Variants in RABIF observed in about 807,000 individuals in gnomAD.
RABIF encodes the protein RAB interacting factor.
A neutral mutation model predicts 12.3 loss-of-function variants in RABIF; 13 were observed. The observed-to-expected ratio is 1.06, with a 90% confidence interval of 0.69 to 1.68. The LOEUF is 1.68. RABIF is among the 40% of genes most tolerant of loss of function. The pLI is 0.00. For synonymous variants in RABIF, 70 were observed against 63.3 expected, an observed-to-expected ratio of 1.11 and a Z score of -0.50; for missense variants, 153 against 158.0, an observed-to-expected ratio of 0.97 and a Z score of 0.17.
At chr1:202,884,010 A>G (rs1659525901) in intron 1 of RABIF, among the ~76,000 whole-genome samples, 1 of 152,166 alleles carries the variant, frequency 6.6e-6, no homozygotes, top group South Asian at 2.1e-4. Flanking sequence ...TGGATAGACT[A>G]CTGGGGATGG....
rs548566747 is a variant in RABIF at position 202,883,526 on chromosome 1, T to C, written c.127-2303A>G. Among the ~76,000 whole-genome samples, 53 of 152,358 alleles carry C rather than the reference T, an allele frequency of 3.5e-4. 3 individuals are homozygous for C. In the East Asian group the frequency reaches 9.6e-3, roughly 28 times the overall value. ...CTAAATGTATTTCTGGCTTATCCCC[T>C]ATACTGTAGGTGTGAAATCTCACAT... On this transcript the variant is annotated intron_variant, in intron 1 of 1. Transcript: ENST00000367262.
intron 1 of RABIF, among the ~76,000 whole-genome samples, chr1:202,887,620 C>T (rs1467904797): frequency 3.3e-5 from 5 of 151,938 alleles, no homozygotes; most frequent in African/African-American, 1.2e-4. Flanking sequence ...GCCTCAGCCT[C>T]CCGAGTAGCT....
chr1:202,881,113 A>G lies in RABIF; in HGVS notation c.237T>C (p.Asn79=). 6.2e-7 allele frequency: 1 copy of G among 1,614,210 alleles called. No homozygotes were observed. The highest frequency in any genetic ancestry group is 8.5e-7 in the Non-Finnish European group (1 of 1,180,038). Reference sequence around the variant, plus strand: ...TGCCCACGTCCTTGGTGAAGCCCACATTCTCAAAAATGAACATGTCCTCAA... The same window carrying G: ...TGCCCACGTCCTTGGTGAAGCCCACGTTCTCAAAAATGAACATGTCCTCAA... ...WLVEDMFIFE[N]VGFTKDVGNI... The change falls in exon 2 of 2, where the codon AAT becomes AAC. Residue 79 remains asparagine, a synonymous_variant. Coordinates refer to ENST00000367262, the MANE Select transcript of RABIF (RefSeq NM_002871.5).
At chr1:202,883,194 C>A (rs1659516013) in intron 1 of RABIF, among the ~76,000 whole-genome samples, 1 of 152,066 alleles carries the variant, frequency 6.6e-6, no homozygotes, top group Non-Finnish European at 1.5e-5. Flanking sequence ...CCACGATATA[C>A]TTTTTTGTTT....
At chr1:202,881,314 T>G (rs928512154) in intron 1 of RABIF, 91 bp from the exon 2 acceptor site, 1 of 1,483,862 alleles carries the variant, frequency 6.7e-7, no homozygotes, top group South Asian at 1.4e-5. Context: ...CATTGCTCCC[T>G]AGCAGGAATG....
rs1358135523 is a variant in RABIF at position 202,885,864 on chromosome 1, T to TAA, written c.126+3108_126+3109insTT. On this transcript the variant is annotated intron_variant, in intron 1 of 1. Transcript: ENST00000367262. ...ACACTGGGTTGGATTACAGCTGAGTTGCTTGAGTCCAGAAAAAGGGATAGG... is the reference window on the plus strand; with the variant it reads ...ACACTGGGTTGGATTACAGCTGAGTTAAGCTTGAGTCCAGAAAAAGGGATAGG... Among the ~76,000 whole-genome samples the TAA allele has an allele frequency of 1.1e-4, 17 of 152,226 alleles. No homozygotes were observed. The East Asian group carries it at 2.9e-3, about 26-fold the overall frequency.
At chr1:202,885,996 TA>T (rs1160778447) in intron 1 of RABIF, among the ~76,000 whole-genome samples, 1 of 151,334 alleles carries the variant, frequency 6.6e-6, no homozygotes. Flanking sequence ...TTTGCCTTTT[TA>T]AAAGAGGGAA....
In RABIF at chr1:202,880,771, G is replaced by A; in HGVS notation, c.*207C>T. The A allele has an allele frequency of 7.5e-7, 1 of 1,330,008 alleles. No individual in the cohort carries two copies. 82.4% of individuals were successfully genotyped at this position (1,330,008 alleles called of 1,614,324 possible). On this transcript the variant is annotated 3_prime_UTR_variant, in exon 2 of 2. Transcript: ENST00000367262. ...GGGGAAAAGGGAGCTTAGGAAATGTGATACAAAGTGAACTAAGCAGGAGGC... is the reference window on the plus strand; with the variant it reads ...GGGGAAAAGGGAGCTTAGGAAATGTAATACAAAGTGAACTAAGCAGGAGGC...
At position 202,879,746 on chromosome 1, in the gene RABIF, T is replaced by G. The variant is rs1659460789; in HGVS notation, c.*1232A>C. 6.6e-6 allele frequency: 1 copy of G among 152,172 alleles called. No homozygotes were observed. The highest frequency in any genetic ancestry group is 1.5e-5 in the Non-Finnish European group (1 of 68,028). The allele number at this position is 152,172 out of a possible 1,614,324, so 9.4% of individuals were successfully genotyped here. ...GCAACTAGAAAACAATGGAAGGGACTTCAGATGGTAAGGTTTCTGTTTAGT... is the reference window on the plus strand; with the variant it reads ...GCAACTAGAAAACAATGGAAGGGACGTCAGATGGTAAGGTTTCTGTTTAGT... On this transcript the variant is annotated 3_prime_UTR_variant, in exon 2 of 2. Transcript: ENST00000367262.
chr1:202,888,946 T>C (rs768634319), intron 1 of RABIF, 27 bp downstream of exon 1: 1 of 1,520,586 alleles, frequency 6.6e-7, no homozygotes, highest in South Asian at 1.2e-5. Flanking sequence ...ACTGTGGGTG[T>C]AAACGGCCTC....
chr1:202,888,701 C>T (rs1005156338), intron 1 of RABIF, among the ~76,000 whole-genome samples: 7 of 152,260 alleles, frequency 4.6e-5, no homozygotes, highest in Middle Eastern at 3.4e-3. Flanking sequence ...GCTCGAAGCC[C>T]CCCCGGGGGC....
intron 1 of RABIF, among the ~76,000 whole-genome samples, chr1:202,883,926 A>C (rs1349800115): frequency 4.6e-5 from 7 of 152,178 alleles, no homozygotes; most frequent in Non-Finnish European, 1.0e-4. Context: ...ATCTCAACCT[A>C]TTCACTGCAA....
At position 202,880,721 on chromosome 1, in the gene RABIF, A is replaced by G; in HGVS notation, c.*257T>C. The G allele has an allele frequency of 1.7e-6, 2 of 1,202,836 alleles. No homozygotes were observed. The highest frequency in any genetic ancestry group is 2.1e-6 in the Non-Finnish European group (2 of 963,172). The allele number at this position is 1,202,836 out of a possible 1,614,324, so 74.5% of individuals were successfully genotyped here. A position where few individuals can be genotyped will look rare whatever the true frequency, so the allele number is the denominator to read the frequency against. On this transcript the variant is annotated 3_prime_UTR_variant, in exon 2 of 2. Transcript: ENST00000367262. ...GCCAGGGAAGAGATGAGATTTTTGG[A>G]GGTAAGCACAGTGTCCCAAAACTGG...
rs200640185 is a variant in RABIF at position 202,887,341 on chromosome 1, A to AT, written c.126+1631_126+1632insA. ...GAAACTTTCTTAAAACATTATGAAAAATTTTTTTTTTTGCAATTTTTTTTT... is the reference window on the plus strand; with the variant it reads ...GAAACTTTCTTAAAACATTATGAAAATATTTTTTTTTTTGCAATTTTTTTTT... On this transcript the variant is annotated intron_variant, in intron 1 of 1. Coordinates refer to ENST00000367262, the MANE Select transcript of RABIF (RefSeq NM_002871.5). 6.0e-5 allele frequency among the ~76,000 whole-genome samples: 9 copies of AT among 149,636 alleles called. No individual in the cohort carries two copies. The South Asian group carries it at 8.5e-4, about 14-fold the overall frequency.
chr1:202,884,389 C>A lies in RABIF; in HGVS notation c.127-3166G>T, dbSNP rs558790602. ...TTACTTGTGTTGTTTTCAAAAAATT[C>A]TCTGATAATCCTTCCACCAAGAGTG... On this transcript the variant is annotated intron_variant, in intron 1 of 1. Transcript: ENST00000367262. 1.8e-4 allele frequency among the ~76,000 whole-genome samples: 27 copies of A among 152,140 alleles called. No individual in the cohort carries two copies. The South Asian group carries it at 2.9e-3, about 16-fold the overall frequency.
At chr1:202,887,517 A>G (rs1249105068) in intron 1 of RABIF, among the ~76,000 whole-genome samples, 19 of 115,084 alleles carry the variant, frequency 1.7e-4, no homozygotes, top group Non-Finnish European at 3.1e-4. Flanking sequence ...TTTTTTTTTG[A>G]GATGGTGTCT....
At position 202,889,080 on chromosome 1, in the gene RABIF, G is replaced by T. The variant is rs746863658; in HGVS notation, c.19C>A (p.Pro7Thr). ...CCCTCGGCTGACACTAACTCGCTCG[G>T]CTGCTCCGCTGGTTCCATCGCCGCT... Reference protein sequence around the residue: MEPAEQPSELVSAEGRN... With the variant: MEPAEQTSELVSAEGRN... The change falls in exon 1 of 2, where the codon CCG becomes ACG. Residue 7 changes from proline (P) to threonine (T), a missense_variant. Physicochemically the swap from Pro to Thr is conservative, Grantham distance 38. Around this residue, in one of 2 missense-constraint regions of RABIF, gnomAD observed 113 missense variants for 90.9 expected, o/e 1.24. Coordinates refer to ENST00000367262, the MANE Select transcript of RABIF (RefSeq NM_002871.5). The T allele has an allele frequency of 1.2e-6, 2 of 1,607,918 alleles. No homozygotes were observed. The highest frequency in any genetic ancestry group is 2.7e-5 in the African/African-American group (2 of 74,626).
intron 1 of RABIF, among the ~76,000 whole-genome samples, chr1:202,888,171 A>T (rs542059119): frequency 6.8e-4 from 104 of 152,322 alleles, no homozygotes; most frequent in African/African-American, 2.4e-3. Flanking sequence ...GAATGATAGG[A>T]TGTGTCTATG....
Position 202,880,850 on chromosome 1 carries a change from A to G in RABIF, c.*128T>C. ...TAACCCTCTGCATGTTCAAATGGAC[A>G]TGCTGGTACTCAGTATTTATATTAG... On this transcript the variant is annotated 3_prime_UTR_variant, in exon 2 of 2. Coordinates refer to ENST00000367262, the MANE Select transcript of RABIF (RefSeq NM_002871.5). 2 of 1,493,790 alleles carry G rather than the reference A, an allele frequency of 1.3e-6. No individual in the cohort carries two copies. Among genetic ancestry groups the G allele is most frequent in the South Asian group, 2.8e-5 (2 of 72,156 alleles). The allele number at this position is 1,493,790 out of a possible 1,614,324, so 92.5% of individuals were successfully genotyped here.
Sources: allele counts gnomAD v4.1 joint callset (sites outside exome capture counted in the v4.1 genomes callset), GRCh38; gene constraint gnomAD v4.1.1; regional missense constraint gnomAD v4.1.1; transcripts MANE v1.5; gene names NCBI Gene and HGNC (gene_info 2026-07-23, HGNC 2026-07-21).